EPAS1: variants seen among roughly 807,000 people sequenced by gnomAD.
EPAS1 encodes endothelial PAS domain protein 1, also known as endothelial PAS domain-containing protein 1.
Under a neutral mutation model 87.9 loss-of-function variants are expected in EPAS1, and 23 were observed. That is an observed-to-expected ratio of 0.26 (90% CI 0.19 to 0.37). The LOEUF (loss-of-function observed/expected upper bound fraction) is 0.37. Ranked by LOEUF, EPAS1 falls within the 10% of genes least tolerant of loss-of-function variation. The pLI is 1.00. For missense variants in EPAS1, 1,138 were observed against 1,120.7 expected (o/e 1.02, Z -0.22); for synonymous variants, 508 against 444.3 (o/e 1.14, Z -1.80).
chr2:46,297,794 G>A lies in EPAS1; in HGVS notation c.-118G>A. On this transcript the variant is annotated 5_prime_UTR_variant, in exon 1 of 16. Coordinates refer to ENST00000263734, the MANE Select transcript of EPAS1 (RefSeq NM_001430.5). The stretch of plus-strand genomic sequence containing the variant: ...TGCGCGGGGCGCTCGGGACCTGCGC[G>A]CACCTCGGACCTTCACCACCCGCCC... 1 of 1,394,504 alleles carries A rather than the reference G, an allele frequency of 7.2e-7. No homozygotes were observed. Among genetic ancestry groups the A allele is most frequent in the South Asian group, 1.2e-5 (1 of 80,764 alleles). 86.4% of individuals were successfully genotyped at this position (1,394,504 alleles called of 1,614,324 possible).
At chr2:46,365,362 T>C (rs1291603430) in intron 6 of EPAS1, among the ~76,000 whole-genome samples, 2 of 152,212 alleles carry the variant, frequency 1.3e-5, no homozygotes, top group African/African-American at 4.8e-5. Flanking sequence ...ACATAGGACA[T>C]ATTAATATCA....
rs1466591643 is a variant in EPAS1 at position 46,346,627 on chromosome 2, GCC to G, written c.27-244_27-243del. 6.6e-6 allele frequency among the ~76,000 whole-genome samples: 1 copy of G among 152,192 alleles called. No individual in the cohort carries two copies. The highest frequency in any genetic ancestry group is 1.5e-5 in the Non-Finnish European group (1 of 68,038). On this transcript the variant is annotated intron_variant, in intron 1 of 15. Transcript: ENST00000263734. The surrounding 1 kb of genome is among the most constrained non-coding windows in gnomAD (Gnocchi z 4.0). ...TTTGCCCAGACTCCACCCATGTGAA[GCC>G]CTGTTCTGGCCTCCACAGGGAATGC...
At position 46,386,638 on chromosome 2, in the gene EPAS1, C is replaced by G. The variant is rs1055035826; in HGVS notation, c.*1978C>G. The G allele has an allele frequency of 3.3e-5, 5 of 152,628 alleles. No individual in the cohort carries two copies. The highest frequency in any genetic ancestry group is 7.3e-5 in the Non-Finnish European group (5 of 68,038). 9.5% of individuals were successfully genotyped at this position (152,628 alleles called of 1,614,324 possible). A position where few individuals can be genotyped will look rare whatever the true frequency, so the allele number is the denominator to read the frequency against. Reference sequence around the variant, plus strand: ...TGACAACATTATAACTGTATGGGAGCTTAACTTTATAAGGAAATGTATTTT... The same window carrying G: ...TGACAACATTATAACTGTATGGGAGGTTAACTTTATAAGGAAATGTATTTT... On this transcript the variant is annotated 3_prime_UTR_variant, in exon 16 of 16. Coordinates refer to ENST00000263734, the MANE Select transcript of EPAS1 (RefSeq NM_001430.5).
At position 46,385,007 on chromosome 2, in the gene EPAS1, C is replaced by A. The variant is rs1684982494; in HGVS notation, c.*347C>A. ...ACTGTCCATACTAACAAGTTTGGTG[C>A]ATGTCTGTTCTTCTGTAGGGAGAAG... On this transcript the variant is annotated 3_prime_UTR_variant, in exon 16 of 16. Transcript: ENST00000263734. 2 of 325,484 alleles carry A rather than the reference C, an allele frequency of 6.1e-6. No homozygotes were observed. The highest frequency in any genetic ancestry group is 6.4e-5 in the South Asian group (2 of 31,372). 20.2% of individuals were successfully genotyped at this position (325,484 alleles called of 1,614,324 possible). A position where few individuals can be genotyped will look rare whatever the true frequency, so the allele number is the denominator to read the frequency against.
chr2:46,370,036 G>C (rs1382681000), intron 7 of EPAS1, 103 bp downstream of exon 7: 2 of 875,076 alleles, frequency 2.3e-6, no homozygotes, highest in Non-Finnish European at 1.9e-6. Flanking sequence ...TTCCTCCACA[G>C]AGCTGCTGTC....
intron 1 of EPAS1, among the ~76,000 whole-genome samples, chr2:46,311,901 T>A (rs185985915): frequency 6.6e-6 from 1 of 152,168 alleles, no homozygotes; most frequent in East Asian, 1.9e-4. Flanking sequence ...ACTGTGAGCA[T>A]TGATCCCTTT....
chr2:46,344,777 G>T (rs1399271991), intron 1 of EPAS1, among the ~76,000 whole-genome samples: 1 of 152,198 alleles, frequency 6.6e-6, no homozygotes, highest in Non-Finnish European at 1.5e-5. Context: ...GAGAAAAATA[G>T]TTTCACTCAT....
At chr2:46,310,539 C>T (rs553128644) in intron 1 of EPAS1, among the ~76,000 whole-genome samples, 1 of 152,364 alleles carries the variant, frequency 6.6e-6, no homozygotes, top group East Asian at 1.9e-4. Context: ...AAAGCCCTAA[C>T]TCAAGTTCTT....
chr2:46,382,648 G>C, intron 15 of EPAS1, 50 bp downstream of exon 15: 2 of 1,609,116 alleles, frequency 1.2e-6, no homozygotes, highest in African/African-American at 2.7e-5. Flanking sequence ...CGATGCCAGG[G>C]GAAGCCCACG....
chr2:46,366,742 G>T (rs1426962243), intron 6 of EPAS1, among the ~76,000 whole-genome samples: 2 of 152,226 alleles, frequency 1.3e-5, no homozygotes, highest in African/African-American at 4.8e-5. Context: ...TAGTTCCCTG[G>T]CCCCTGATGG....
At chr2:46,374,758 G>T (rs979876736) in intron 7 of EPAS1, among the ~76,000 whole-genome samples, 5 of 152,206 alleles carry the variant, frequency 3.3e-5, no homozygotes, top group Non-Finnish European at 7.3e-5. Context: ...ACTTTAAAGA[G>T]ATTTATTGAT....
intron 10 of EPAS1, 113 bp from the exon 11 acceptor site, chr2:46,378,544 G>A (rs1684809342): frequency 2.3e-6 from 2 of 858,654 alleles, no homozygotes; most frequent in Non-Finnish European, 3.9e-6. Flanking sequence ...TAGTTGTGTG[G>A]TGGAATGGAA....
At chr2:46,351,197 A>G (rs1243439463) in intron 2 of EPAS1, among the ~76,000 whole-genome samples, 1 of 152,226 alleles carries the variant, frequency 6.6e-6, no homozygotes, top group Non-Finnish European at 1.5e-5. Flanking sequence ...CAGCTAATAT[A>G]CAGTCTCTTC....
At chr2:46,313,826 G>C (rs1158021091) in intron 1 of EPAS1, among the ~76,000 whole-genome samples, 1 of 152,202 alleles carries the variant, frequency 6.6e-6, no homozygotes, top group Non-Finnish European at 1.5e-5. Context: ...TGAAGGCAGG[G>C]ACCATGCATT....
chr2:46,345,797 A>G (rs1010636402), intron 1 of EPAS1, among the ~76,000 whole-genome samples: 2 of 152,192 alleles, frequency 1.3e-5, no homozygotes, highest in Admixed American at 6.5e-5. Context: ...ACTGTTTTGT[A>G]ACTTTTTAAC....
At position 46,381,961 on chromosome 2, in the gene EPAS1, CT is replaced by C. The variant is rs750481556; in HGVS notation, c.2173-12del. 1 of 1,612,722 alleles carries C rather than the reference CT, an allele frequency of 6.2e-7. No homozygotes were observed. Among genetic ancestry groups the C allele is most frequent in the Admixed American group, 1.7e-5 (1 of 59,974 alleles). ...TGGCCATTTCCCCTTTCCATCTGCC[CT>C]TCTTACTCCCAGGGGGACCCACCTG... is the stretch of plus-strand genomic sequence containing the variant. On this transcript the variant is annotated splice_polypyrimidine_tract_variant and intron_variant, in intron 13 of 15. Coordinates refer to ENST00000263734, the MANE Select transcript of EPAS1 (RefSeq NM_001430.5).
At chr2:46,361,237 G>A in intron 6 of EPAS1, 147 bp downstream of exon 6, 1 of 899,772 alleles carries the variant, frequency 1.1e-6, no homozygotes, top group Non-Finnish European at 1.7e-6. Flanking sequence ...CTGTTTCATT[G>A]CATCAGTGCC....
intron 3 of EPAS1, among the ~76,000 whole-genome samples, 179 bp from the exon 4 acceptor site, chr2:46,356,542 GTCA>G (rs1684275748): frequency 6.6e-6 from 1 of 150,996 alleles, no homozygotes. Flanking sequence ...CCAAGTCTCT[GTCA>G]TCATCAGTAG....
Position 46,300,373 on chromosome 2 carries a change from T to C in EPAS1, c.26+2436T>C, listed in dbSNP as rs1312244774. ...CCCCAAATGCAATATGGGCAGAACA[T>C]TTGGAATATTCGTTCTAACAATGGC... On this transcript the variant is annotated intron_variant, in intron 1 of 15. Transcript: ENST00000263734. The surrounding 1 kb of genome is among the most constrained non-coding windows in gnomAD (Gnocchi z 4.1). 6.6e-6 allele frequency among the ~76,000 whole-genome samples: 1 copy of C among 152,234 alleles called. No individual in the cohort carries two copies. The highest frequency in any genetic ancestry group is 2.4e-5 in the African/African-American group (1 of 41,460).
Sources: allele counts gnomAD v4.1 joint callset (sites outside exome capture counted in the v4.1 genomes callset), GRCh38; gene constraint gnomAD v4.1.1; non-coding constraint Gnocchi (gnomAD v3.1); transcripts MANE v1.5; gene names NCBI Gene and HGNC (gene_info 2026-07-23, HGNC 2026-07-21).